Variants in EPHA10 observed in about 807,000 individuals in gnomAD.
The protein encoded by EPHA10 is ephrin type-A receptor 10.
A neutral mutation model predicts 109.7 loss-of-function variants in EPHA10; 120 were observed. That is an observed-to-expected ratio of 1.09 (90% CI 0.94 to 1.27). EPHA10 has a LOEUF of 1.27. Among genes scored for constraint, EPHA10 ranks in the 50% most tolerant of loss-of-function variants. The pLI is 0.00. For missense variants in EPHA10, 1,396 were observed against 1,411.1 expected (o/e 0.99, Z 0.17); for synonymous variants, 640 against 618.9 (o/e 1.03, Z -0.51).
At position 37,716,015 on chromosome 1, in the gene EPHA10, G is replaced by T. The variant is rs768372813; in HGVS notation, c.*2357C>A. On this transcript the variant is annotated 3_prime_UTR_variant, in exon 17 of 17. Transcript: ENST00000373048. ...TTATTATCCTGCATAGAGAACCCAA[G>T]AAATATAAAAACATCTCCAGAAGGA... 1.7e-6 allele frequency: 1 copy of T among 581,658 alleles called. No homozygotes were observed. Among genetic ancestry groups the T allele is most frequent in the Non-Finnish European group, 3.3e-6 (1 of 302,106 alleles). 36.0% of individuals were successfully genotyped at this position (581,658 alleles called of 1,614,324 possible). A position where few individuals can be genotyped will look rare whatever the true frequency, so the allele number is the denominator to read the frequency against.
At chr1:37,751,024 T>C (rs1337901474) in intron 5 of EPHA10, among the ~76,000 whole-genome samples, 1 of 149,682 alleles carries the variant, frequency 6.7e-6, no homozygotes, top group Non-Finnish European at 1.5e-5. Flanking sequence ...GCTAACATGG[T>C]GAAACCCTGT....
At chr1:37,761,107 A>T in intron 3 of EPHA10, 4 of 1,177,244 alleles carry the variant, frequency 3.4e-6, no homozygotes, top group Non-Finnish European at 3.2e-6. Context: ...AAAAAAAACA[A>T]TGACTTCCTT....
intron 5 of EPHA10, among the ~76,000 whole-genome samples, chr1:37,749,697 GTA>G (rs1646294498): frequency 6.6e-6 from 1 of 151,902 alleles, no homozygotes; most frequent in South Asian, 2.1e-4. Flanking sequence ...GATTGTTAAT[GTA>G]AAATGCCAGA....
In EPHA10 at chr1:37,764,572, CG is replaced by C. The variant is rs1200905783; in HGVS notation, c.106+388del. Among the ~76,000 whole-genome samples, 1 of 152,148 alleles carries C rather than the reference CG, an allele frequency of 6.6e-6. No individual in the cohort carries two copies. Among genetic ancestry groups the C allele is most frequent in the Non-Finnish European group, 1.5e-5 (1 of 68,028 alleles). On this transcript the variant is annotated intron_variant, in intron 1 of 16. Coordinates refer to ENST00000373048, the MANE Select transcript of EPHA10 (RefSeq NM_001099439.2). This position sits in a 1 kb window ranked among gnomAD's most constrained non-coding sequence, Gnocchi z 5.8. Reference sequence around the variant, plus strand: ...CTGTGGTCTCCTAGCCCCTGTAGTCCGGGCTCCATCCCGTCTCCCCATATTC... The same window carrying C: ...CTGTGGTCTCCTAGCCCCTGTAGTCCGGCTCCATCCCGTCTCCCCATATTC...
chr1:37,719,796 AGAG>A, intron 14 of EPHA10, 110 bp downstream of exon 14: 1 of 1,556,688 alleles, frequency 6.4e-7, no homozygotes, highest in South Asian at 1.1e-5. Flanking sequence ...GCAAGCAGAC[AGAG>A]AAGAGGGGCC....
Position 37,737,932 on chromosome 1 carries a change from C to CTTTTTTT in EPHA10, c.1358-2549_1358-2543dup, listed in dbSNP as rs59082119. 2.8e-4 allele frequency: 17 copies of CTTTTTTT among 61,478 alleles called. 1 individual carries two copies. The highest frequency in any genetic ancestry group is 8.3e-4 in the Admixed American group (3 of 3,634). 3.8% of individuals were successfully genotyped at this position (61,478 alleles called of 1,614,324 possible). A position where few individuals can be genotyped will look rare whatever the true frequency, so the allele number is the denominator to read the frequency against. The stretch of plus-strand genomic sequence containing the variant: ...ACAACAAAGACCAAATAACTGTAGG[C>CTTTTTTT]TTTTTTTTTTTTTTTTTTTTTTTTT... On this transcript the variant is annotated intron_variant, in intron 5 of 16. Transcript: ENST00000373048.
Position 37,762,780 on chromosome 1 carries a change from C to T in EPHA10, c.171+5G>A. 1.3e-6 allele frequency: 2 copies of T among 1,551,814 alleles called. No individual in the cohort carries two copies. The highest frequency in any genetic ancestry group is 1.7e-6 in the Non-Finnish European group (2 of 1,146,932). On this transcript the variant is annotated splice_donor_5th_base_variant and intron_variant, in intron 2 of 16. Coordinates refer to ENST00000373048, the MANE Select transcript of EPHA10 (RefSeq NM_001099439.2). ...TGGGACAGGGAGGGACACTTGTGCA[C>T]TTACCCCATTACTTGGCAGTGCAGT... is the stretch of plus-strand genomic sequence containing the variant.
intron 5 of EPHA10, among the ~76,000 whole-genome samples, chr1:37,745,618 G>A (rs1347967171): frequency 6.6e-6 from 1 of 152,182 alleles, no homozygotes. Flanking sequence ...GGTGGCCAAG[G>A]TAGGTGGATC....
At chr1:37,761,143 G>T in intron 3 of EPHA10, 1 of 1,280,516 alleles carries the variant, frequency 7.8e-7, no homozygotes, top group Non-Finnish European at 9.8e-7. Flanking sequence ...AAATAAACGA[G>T]AAGGCCTGTG....
chr1:37,751,918 AATTATTCT>A (rs1188336226), intron 5 of EPHA10, among the ~76,000 whole-genome samples: 5 of 152,256 alleles, frequency 3.3e-5, no homozygotes, highest in Non-Finnish European at 7.4e-5. Context: ...CAGGTTAAAG[AATTATTCT>A]AACATCCGTG....
downstream of EPHA10, among the ~76,000 whole-genome samples, chr1:37,715,326 G>A (rs996943833): frequency 3.3e-5 from 5 of 151,994 alleles, no homozygotes; most frequent in Admixed American, 6.6e-5. Context: ...CACCGAACCC[G>A]GCCATTTTTC....
At chr1:37,719,032 G>A (rs958034866) in intron 15 of EPHA10, 1 of 643,034 alleles carries the variant, frequency 1.6e-6, no homozygotes. Context: ...CCAGCTAAAG[G>A]TATTGGCGTA....
chr1:37,758,746 C>T (rs1345308374), intron 3 of EPHA10, among the ~76,000 whole-genome samples: 1 of 152,194 alleles, frequency 6.6e-6, no homozygotes, highest in African/African-American at 2.4e-5. Flanking sequence ...TTCTCCTGGT[C>T]TGTCCCAACC....
intron 3 of EPHA10, chr1:37,760,484 C>T (rs909180448): frequency 8.6e-6 from 9 of 1,046,960 alleles, no homozygotes; most frequent in Non-Finnish European, 1.0e-5. Context: ...ATGTGATCTT[C>T]GTAATCATCT....
Position 37,760,181 on chromosome 1 carries a change from T to G in EPHA10, c.850+1224A>C, listed in dbSNP as rs1022539457. ...TTACCCTCTTGTGATTTTTAAATTT[T>G]TGCATCTCTCCATCTAGACTGTGAG... On this transcript the variant is annotated intron_variant, in intron 3 of 16. Coordinates refer to ENST00000373048, the MANE Select transcript of EPHA10 (RefSeq NM_001099439.2). The G allele has an allele frequency of 4.3e-6, 3 of 702,430 alleles. No homozygotes were observed. In the African/African-American group the frequency reaches 5.8e-5, roughly 14 times the overall value. The allele number at this position is 702,430 out of a possible 1,614,324, so 43.5% of individuals were successfully genotyped here. A position where few individuals can be genotyped will look rare whatever the true frequency, so the allele number is the denominator to read the frequency against.
Position 37,753,219 on chromosome 1 carries a change from C to A in EPHA10, c.1014G>T (p.Pro338=). 1 of 1,137,586 alleles carries A rather than the reference C, an allele frequency of 8.8e-7. No homozygotes were observed. The highest frequency in any genetic ancestry group is 1.1e-6 in the Non-Finnish European group (1 of 926,138). The allele number at this position is 1,137,586 out of a possible 1,614,324, so 70.5% of individuals were successfully genotyped here. A position where few individuals can be genotyped will look rare whatever the true frequency, so the allele number is the denominator to read the frequency against. Residue 338 remains proline, a synonymous_variant, in exon 5 of 17, where the codon CCG becomes CCT. Transcript: ENST00000373048. ...DPPSASCTRP[P]SAPRDLQYSL... is the part of the protein sequence containing the mutation. ...TGTACTGCAGGTCCCGCGGCGCCGA[C>A]GGCGGCCCTGAGGCGGCACAGGGGC... is the stretch of plus-strand genomic sequence containing the variant.
intron 3 of EPHA10, among the ~76,000 whole-genome samples, chr1:37,755,378 G>A (rs769519802): frequency 1.3e-5 from 2 of 152,066 alleles, no homozygotes; most frequent in Non-Finnish European, 2.9e-5. Context: ...GAGTGAGTGT[G>A]TCATAAATTC....
Position 37,735,205 on chromosome 1 carries a change from C to A in EPHA10, c.1491+52G>T, listed in dbSNP as rs909483355. On this transcript the variant is annotated intron_variant, in intron 6 of 16. Coordinates refer to ENST00000373048, the MANE Select transcript of EPHA10 (RefSeq NM_001099439.2). ...AGGATGGCCTGAAGAACCAGAAGCC[C>A]TGCGGGACAGGTGCGGGGCAGGCTC... 3 of 1,553,344 alleles carry A rather than the reference C, an allele frequency of 1.9e-6. No homozygotes were observed. In the African/African-American group the frequency reaches 4.1e-5, roughly 21 times the overall value.
chr1:37,753,587 G>A (rs1385922833), intron 4 of EPHA10, among the ~76,000 whole-genome samples: 1 of 151,746 alleles, frequency 6.6e-6, no homozygotes, highest in Non-Finnish European at 1.5e-5. Flanking sequence ...TTCAGTCAGG[G>A]AGATTGGTAC....
Sources: gnomAD v4.1 joint callset for allele counts (sites outside exome capture counted in the v4.1 genomes callset) on GRCh38, gnomAD v4.1.1 for gene constraint, Gnocchi (gnomAD v3.1) non-coding constraint, MANE v1.5 for transcripts, NCBI Gene and HGNC (gene_info 2026-07-23, HGNC 2026-07-21) for gene names.